NALF1: variants seen among roughly 807,000 people sequenced by gnomAD.
NALF1 encodes NALCN channel auxiliary factor 1.
NALF1 carries 3 observed loss-of-function variants against 48.4 expected under a neutral mutation model. That is an observed-to-expected ratio of 0.06 (90% CI 0.03 to 0.16). The LOEUF (loss-of-function observed/expected upper bound fraction) is 0.16, where lower values mean the gene tolerates loss of function less well. Among genes scored for constraint, NALF1 ranks in the 10% least tolerant of loss-of-function variants. The pLI is 1.00. For missense variants in NALF1, 526 were observed against 571.5 expected, an observed-to-expected ratio of 0.92 and a Z score of 0.81; for synonymous variants, 262 against 245.7, an observed-to-expected ratio of 1.07 and a Z score of -0.62.
intron 1 of NALF1, among the ~76,000 whole-genome samples, chr13:107,752,195 T>C (rs1301218022): frequency 3.3e-5 from 5 of 152,114 alleles, no homozygotes; most frequent in Non-Finnish European, 7.4e-5. Flanking sequence ...TTTCCTTTCT[T>C]CTACAATAGA....
intron 1 of NALF1, among the ~76,000 whole-genome samples, chr13:107,855,336 T>C (rs1019618996): frequency 6.6e-6 from 1 of 152,204 alleles, no homozygotes; most frequent in Non-Finnish European, 1.5e-5. Flanking sequence ...CAACACAAAT[T>C]CACAAACTTT....
At chr13:107,783,924 T>G (rs888059559) in intron 1 of NALF1, among the ~76,000 whole-genome samples, 1 of 149,944 alleles carries the variant, frequency 6.7e-6, no homozygotes, top group Non-Finnish European at 1.5e-5. Context: ...CTGTGAGAGA[T>G]GCACTCACTT....
intron 1 of NALF1, among the ~76,000 whole-genome samples, chr13:107,449,134 C>T (rs775445087): frequency 6.6e-6 from 1 of 152,136 alleles, no homozygotes; most frequent in African/African-American, 2.4e-5. Context: ...ATCCCAGCTA[C>T]GCGGAAGGAT....
intron 1 of NALF1, among the ~76,000 whole-genome samples, chr13:107,590,181 A>C (rs1878566752): frequency 6.6e-6 from 1 of 152,004 alleles, no homozygotes; most frequent in African/African-American, 2.4e-5. Flanking sequence ...ATGAAATGAT[A>C]AAAAATTTCA....
chr13:107,486,217 A>T (rs779390046), intron 1 of NALF1, among the ~76,000 whole-genome samples: 2 of 152,226 alleles, frequency 1.3e-5, no homozygotes, highest in Non-Finnish European at 2.9e-5. Context: ...CACACACAGG[A>T]TATTCATCTG....
chr13:107,648,077 A>G (rs565318153), intron 1 of NALF1, among the ~76,000 whole-genome samples: 1 of 152,268 alleles, frequency 6.6e-6, no homozygotes, highest in South Asian at 2.1e-4. Flanking sequence ...ATACAGAAAA[A>G]TTGGGCAGAG....
chr13:107,667,264 A>G (rs1337163608), intron 1 of NALF1, among the ~76,000 whole-genome samples: 1 of 152,006 alleles, frequency 6.6e-6, no homozygotes, highest in Non-Finnish European at 1.5e-5. Flanking sequence ...GAGAACCCCA[A>G]TACCCATAAA....
intron 2 of NALF1, among the ~76,000 whole-genome samples, chr13:107,197,233 C>G (rs1311325053): frequency 6.6e-6 from 1 of 152,156 alleles, no homozygotes; most frequent in Non-Finnish European, 1.5e-5. Context: ...AATATCTTTT[C>G]TTTATACATT....
At chr13:107,818,271 C>T (rs1879234866) in intron 1 of NALF1, among the ~76,000 whole-genome samples, 1 of 152,116 alleles carries the variant, frequency 6.6e-6, no homozygotes, top group Admixed American at 6.5e-5. Flanking sequence ...TGCTGCTCTT[C>T]CTTTTTAAGG....
intron 1 of NALF1, among the ~76,000 whole-genome samples, chr13:107,633,585 T>A (rs1252165357): frequency 6.6e-6 from 1 of 151,940 alleles, no homozygotes; most frequent in African/African-American, 2.4e-5. Flanking sequence ...CTGGTCCTCA[T>A]AAATACCACA....
intron 1 of NALF1, among the ~76,000 whole-genome samples, chr13:107,674,441 T>C (rs764989611): frequency 6.6e-6 from 1 of 152,240 alleles, no homozygotes; most frequent in Non-Finnish European, 1.5e-5. Context: ...TGTGCTTTCA[T>C]GACTATAAGG....
chr13:107,853,402 A>G (rs538010515), intron 1 of NALF1, among the ~76,000 whole-genome samples: 6 of 152,318 alleles, frequency 3.9e-5, no homozygotes, highest in African/African-American at 1.4e-4. Flanking sequence ...ATTTGTCTCA[A>G]TTGTAGTTAT....
chr13:107,302,791 G>C (rs1881861979), intron 1 of NALF1, among the ~76,000 whole-genome samples: 1 of 152,150 alleles, frequency 6.6e-6, no homozygotes, highest in Non-Finnish European at 1.5e-5. Context: ...AATATTTTAG[G>C]CACTGCAGGC....
intron 1 of NALF1, among the ~76,000 whole-genome samples, chr13:107,764,343 C>A (rs1230187129): frequency 2.0e-5 from 3 of 151,902 alleles, no homozygotes; most frequent in African/African-American, 7.3e-5. Context: ...CGTGATGTTG[C>A]ATAATGTTAT....
chr13:107,683,395 A>C (rs1167003165), intron 1 of NALF1, among the ~76,000 whole-genome samples: 2 of 152,226 alleles, frequency 1.3e-5, no homozygotes, highest in Non-Finnish European at 2.9e-5. Flanking sequence ...CTTCTGAGAG[A>C]GTTCCCATGC....
chr13:107,274,637 A>C (rs1479399347), intron 1 of NALF1, among the ~76,000 whole-genome samples: 1 of 152,186 alleles, frequency 6.6e-6, no homozygotes, highest in African/African-American at 2.4e-5. Context: ...AAGTCACATG[A>C]TCAGTAGTTA....
At chr13:107,487,818 T>C (rs186254695) in intron 1 of NALF1, among the ~76,000 whole-genome samples, 26 of 152,128 alleles carry the variant, frequency 1.7e-4, no homozygotes, top group African/African-American at 5.5e-4. Context: ...CGGACTCCCT[T>C]TTTTCCCATT....
chr13:107,299,459 TAATAATAATAATAAATA>T (rs1177120935), intron 1 of NALF1, among the ~76,000 whole-genome samples: 4 of 48,796 alleles, frequency 8.2e-5, no homozygotes, highest in Admixed American at 7.4e-4. Context: ...ATAATAATAA[TAATAATAATAATAAATA>T]AATAAATAAA....
chr13:107,271,504 T>A (rs961767169), intron 1 of NALF1, among the ~76,000 whole-genome samples: 2 of 152,010 alleles, frequency 1.3e-5, no homozygotes, highest in Non-Finnish European at 2.9e-5. Flanking sequence ...ATAGCCTGAA[T>A]GAGGCTAGAC....
Sources: allele counts gnomAD v4.1 joint callset (sites outside exome capture counted in the v4.1 genomes callset), GRCh38; gene constraint gnomAD v4.1.1; transcripts MANE v1.5; gene names NCBI Gene and HGNC (gene_info 2026-07-23, HGNC 2026-07-21).